Variants in ERBB4 observed in about 807,000 individuals in gnomAD.
ERBB4 encodes receptor tyrosine-protein kinase erbB-4.
ERBB4 carries 42 observed loss-of-function variants against 158.0 expected under a neutral mutation model. That is an observed-to-expected ratio of 0.27 (90% CI 0.21 to 0.34). The LOEUF is 0.34. Ranked by LOEUF, ERBB4 falls within the 10% of genes least tolerant of loss-of-function variation. The pLI is 1.00. For missense variants in ERBB4, 1,333 were observed against 1,624.1 expected, an observed-to-expected ratio of 0.82 and a Z score of 3.08; for synonymous variants, 583 against 558.7, an observed-to-expected ratio of 1.04 and a Z score of -0.61.
intron 20 of ERBB4, among the ~76,000 whole-genome samples, chr2:211,494,967 T>C (rs993435511): frequency 1.1e-4 from 16 of 152,266 alleles, no homozygotes; most frequent in Middle Eastern, 3.4e-3. Flanking sequence ...GCTGGTTATA[T>C]AGAATTTTTA....
intron 1 of ERBB4, among the ~76,000 whole-genome samples, chr2:212,463,001 A>G (rs1688653001): frequency 1.3e-5 from 2 of 152,250 alleles, no homozygotes; most frequent in South Asian, 4.1e-4. Context: ...TAAGCTAGGC[A>G]CACACACAAA....
intron 1 of ERBB4, among the ~76,000 whole-genome samples, chr2:212,498,924 C>T (rs1365099276): frequency 1.3e-5 from 2 of 151,988 alleles, no homozygotes; most frequent in Non-Finnish European, 1.5e-5. Flanking sequence ...TAAGCCCTAT[C>T]TTTGAAGATT....
intron 20 of ERBB4, among the ~76,000 whole-genome samples, chr2:211,503,434 C>A (rs1408222825): frequency 6.6e-6 from 1 of 152,156 alleles, no homozygotes; most frequent in Non-Finnish European, 1.5e-5. Context: ...TCTCCCAAGA[C>A]TGCCAGCCTG....
rs1000663161 is a variant in ERBB4 at position 211,681,060 on chromosome 2, G to A, written c.1490-1876C>T. ...ATTGGTCTGCTTTCTGTTACTCACTGTACATTAGTTTGCATTTTCTATAAT... is the reference window on the plus strand; with the variant it reads ...ATTGGTCTGCTTTCTGTTACTCACTATACATTAGTTTGCATTTTCTATAAT... On this transcript the variant is annotated intron_variant, in intron 12 of 27. Coordinates refer to ENST00000342788, the MANE Select transcript of ERBB4 (RefSeq NM_005235.3). Among the ~76,000 whole-genome samples the A allele has an allele frequency of 5.3e-5, 8 of 152,130 alleles. 1 individual carries two copies. The highest frequency in any genetic ancestry group is 6.5e-5 in the Admixed American group (1 of 15,276).
intron 1 of ERBB4, among the ~76,000 whole-genome samples, chr2:212,221,569 A>G (rs1382330332): frequency 6.6e-6 from 1 of 151,544 alleles, no homozygotes; most frequent in African/African-American, 2.4e-5. Flanking sequence ...AATATACTGT[A>G]TCACTTAACA....
At chr2:212,433,573 C>T (rs1343807699) in intron 1 of ERBB4, among the ~76,000 whole-genome samples, 4 of 151,970 alleles carry the variant, frequency 2.6e-5, no homozygotes, top group Non-Finnish European at 5.9e-5. Flanking sequence ...TTTCAGGCCT[C>T]ATTTATTCCT....
intron 2 of ERBB4, among the ~76,000 whole-genome samples, chr2:212,059,436 A>G (rs2125416193): frequency 6.6e-6 from 1 of 152,328 alleles, no homozygotes; most frequent in African/African-American, 2.4e-5. Flanking sequence ...CAATTGGAAA[A>G]AACTGCTTTA....
Position 211,673,219 on chromosome 2 carries a change from T to A in ERBB4, c.1661A>T (p.Glu554Val), listed in dbSNP as rs1322856972. The A allele has an allele frequency of 1.9e-6, 3 of 1,613,796 alleles. No homozygotes were observed. Among genetic ancestry groups the A allele is most frequent in the Non-Finnish European group, 2.5e-6 (3 of 1,179,782 alleles). The stretch of plus-strand genomic sequence containing the variant: ...CATCTTCTCACACTGGGGGTCACAC[T>A]CCACACAGATGGAGCCATTCTCAAA... ...REFENGSICV[E>V]CDPQCEKMED... The change falls in exon 14 of 28, where the codon GAG becomes GTG. Residue 554 changes from glutamate to valine, a missense_variant. Physicochemically the swap from Glu to Val is moderately radical, Grantham distance 121. Around this residue, in one of 5 missense-constraint regions of ERBB4, gnomAD observed 245 missense variants for 247.5 expected, o/e 0.99. Transcript: ENST00000342788.
intron 19 of ERBB4, among the ~76,000 whole-genome samples, chr2:211,582,434 CCTTT>C (rs1488460732): frequency 6.6e-6 from 1 of 152,062 alleles, no homozygotes. Flanking sequence ...CTAAGTCTTT[CCTTT>C]AAGAACCAGA....
At chr2:211,774,580 C>G (rs1361498368) in intron 4 of ERBB4, among the ~76,000 whole-genome samples, 1 of 152,150 alleles carries the variant, frequency 6.6e-6, no homozygotes, top group African/African-American at 2.4e-5. Flanking sequence ...ATTTAGGGAA[C>G]AAGTGATTAT....
chr2:212,245,933 A>C (rs1009116000), intron 1 of ERBB4, among the ~76,000 whole-genome samples: 1 of 152,160 alleles, frequency 6.6e-6, no homozygotes, highest in Non-Finnish European at 1.5e-5. Context: ...TCTATGGCTA[A>C]GTTAAATGTT....
intron 3 of ERBB4, among the ~76,000 whole-genome samples, chr2:211,831,854 GGTCGCGCCATTGC>G (rs1458078788): frequency 2.0e-5 from 3 of 152,048 alleles, no homozygotes; most frequent in Non-Finnish European, 4.4e-5. Context: ...AGTGAGCCGA[GGTCGCGCCATTGC>G]ACTCCAACCT....
Position 212,099,170 on chromosome 2 carries a change from A to AATAC in ERBB4, c.234+25581_234+25582insGTAT, listed in dbSNP as rs2079012771. 2.4e-5 allele frequency among the ~76,000 whole-genome samples: 3 copies of AATAC among 123,946 alleles called. 1 individual carries two copies. The South Asian group carries it at 8.9e-4, about 37-fold the overall frequency. 81.3% of individuals were successfully genotyped at this position (123,946 alleles called of 152,430 possible). A position where few individuals can be genotyped will look rare whatever the true frequency, so the allele number is the denominator to read the frequency against. On this transcript the variant is annotated intron_variant, in intron 2 of 27. Transcript: ENST00000342788. ...AAATAAATAAATAAATAAATAAATA[A>AATAC]ATAAATAAATAAATAATAAATAATA...
intron 1 of ERBB4, among the ~76,000 whole-genome samples, chr2:212,290,293 A>G (rs2086157255): frequency 6.6e-6 from 1 of 152,194 alleles, no homozygotes; most frequent in South Asian, 2.1e-4. Context: ...TCTGACCAGT[A>G]TCGTTCCAAC....
At chr2:211,695,698 A>T (rs577094337) in intron 12 of ERBB4, among the ~76,000 whole-genome samples, 10 of 152,236 alleles carry the variant, frequency 6.6e-5, no homozygotes, top group Admixed American at 3.3e-4. Context: ...TTTCTCACAA[A>T]TTTTTAATTC....
Position 212,497,226 on chromosome 2 carries a change from T to A in ERBB4, c.82+41223A>T, listed in dbSNP as rs577350017. Among the ~76,000 whole-genome samples, 4 of 152,114 alleles carry A rather than the reference T, an allele frequency of 2.6e-5. No individual in the cohort carries two copies. The East Asian group carries it at 7.7e-4, about 29-fold the overall frequency. ...TATATTTTTAAAAGTTAAACAAATT[T>A]AAAAAAACAATATTTATAGTCAACT... On this transcript the variant is annotated intron_variant, in intron 1 of 27. Transcript: ENST00000342788.
chr2:211,860,275 T>G (rs2077977960), intron 3 of ERBB4, among the ~76,000 whole-genome samples: 1 of 152,176 alleles, frequency 6.6e-6, no homozygotes, highest in African/African-American at 2.4e-5. Context: ...TTTAAGTTAC[T>G]CCAATTATTT....
At chr2:212,058,712 C>T (rs1193514689) in intron 2 of ERBB4, among the ~76,000 whole-genome samples, 1 of 152,156 alleles carries the variant, frequency 6.6e-6, no homozygotes, top group East Asian at 1.9e-4. Flanking sequence ...TCAATAGATG[C>T]AGAAAAGGCC....
chr2:211,470,197 A>G (rs2064798135), intron 20 of ERBB4, among the ~76,000 whole-genome samples: 1 of 152,104 alleles, frequency 6.6e-6, no homozygotes, highest in Non-Finnish European at 1.5e-5. Context: ...CACTAATATT[A>G]ATGGTACAAT....
Sources: gnomAD v4.1 joint callset for allele counts (sites outside exome capture counted in the v4.1 genomes callset) on GRCh38, gnomAD v4.1.1 for gene constraint, gnomAD v4.1.1 regional missense constraint, MANE v1.5 for transcripts, NCBI Gene and HGNC (gene_info 2026-07-23, HGNC 2026-07-21) for gene names.